ZNF644: variants seen among roughly 807,000 people sequenced by gnomAD.
The protein encoded by ZNF644 is zinc finger protein 644.
In ZNF644, 20 loss-of-function variants were observed where a neutral mutation model predicts 108.0. The ratio of observed to expected loss-of-function variants is 0.19; its 90% CI spans 0.13 to 0.27. ZNF644 has a LOEUF of 0.27. Ranked by LOEUF, ZNF644 falls within the 10% of genes least tolerant of loss-of-function variation. ZNF644 has a pLI of 1.00. For synonymous variants in ZNF644, 542 were observed against 539.1 expected (o/e 1.01, Z -0.08); for missense variants, 1,338 against 1,548.9 (o/e 0.86, Z 2.29).
intron 1 of ZNF644, among the ~76,000 whole-genome samples, chr1:90,999,143 T>G (rs1466039439): frequency 2.6e-5 from 4 of 152,104 alleles, no homozygotes; most frequent in Admixed American, 1.3e-4. Context: ...AGGAGAACTT[T>G]CCCAACCTAG....
intron 4 of ZNF644, among the ~76,000 whole-genome samples, chr1:90,922,081 A>C (rs1469804220): frequency 1.3e-5 from 2 of 152,186 alleles, no homozygotes; most frequent in African/African-American, 2.4e-5. Flanking sequence ...TAATTGCTTC[A>C]ATGAGTTTCA....
intron 1 of ZNF644, among the ~76,000 whole-genome samples, chr1:90,998,484 T>C (rs760103216): frequency 6.6e-6 from 1 of 151,814 alleles, no homozygotes; most frequent in Non-Finnish European, 1.5e-5. Flanking sequence ...CAGCTGAGGG[T>C]CCTCACTGTT....
intron 2 of ZNF644, among the ~76,000 whole-genome samples, chr1:90,961,868 A>G (rs1235602166): frequency 6.6e-6 from 1 of 151,996 alleles, no homozygotes; most frequent in Non-Finnish European, 1.5e-5. Context: ...TCTAGTGAAT[A>G]GAGGCTAGGT....
At chr1:90,924,005 TC>T (rs1434003862) in intron 4 of ZNF644, among the ~76,000 whole-genome samples, 1 of 152,150 alleles carries the variant, frequency 6.6e-6, no homozygotes, top group Non-Finnish European at 1.5e-5. Flanking sequence ...CTCCACTATT[TC>T]AAAGTAGAGG....
intron 4 of ZNF644, among the ~76,000 whole-genome samples, chr1:90,925,427 A>C (rs1232394370): frequency 6.6e-6 from 1 of 152,192 alleles, no homozygotes; most frequent in Non-Finnish European, 1.5e-5. Flanking sequence ...TATCCAGGGC[A>C]ACTTGAACCT....
At chr1:90,962,383 C>G (rs629184) in intron 2 of ZNF644, among the ~76,000 whole-genome samples, 20,175 of 151,882 alleles carry the variant, frequency 0.13, 1,402 homozygotes, top group South Asian at 0.16. Flanking sequence ...TATGCCAAAG[C>G]TGATACCACA....
chr1:90,979,181 T>C (rs2101444570), intron 2 of ZNF644, among the ~76,000 whole-genome samples: 1 of 152,212 alleles, frequency 6.6e-6, no homozygotes, highest in East Asian at 1.9e-4. Context: ...TAAGAGAGTA[T>C]ATTGTTTAGG....
At position 91,013,442 on chromosome 1, in the gene ZNF644, A is replaced by ATC. The variant is rs879567128; in HGVS notation, c.-18+8546_-18+8547dup. On this transcript the variant is annotated intron_variant, in intron 1 of 5. Transcript: ENST00000337393. ...AGGCACCCTCCAATATATATTTCCA[A>ATC]TCTCTCTCTCACACACACACACACA... Among the ~76,000 whole-genome samples, 269 of 100,366 alleles carry ATC rather than the reference A, an allele frequency of 2.7e-3. 2 individuals carry two copies. The highest frequency in any genetic ancestry group is 5.0e-3 in the Admixed American group (45 of 8,982). 65.8% of individuals were successfully genotyped at this position (100,366 alleles called of 152,430 possible).
chr1:90,916,720 T>C lies in ZNF644; in HGVS notation c.*78A>G. The C allele has an allele frequency of 6.6e-7, 1 of 1,509,596 alleles. No individual in the cohort carries two copies. The highest frequency in any genetic ancestry group is 9.2e-7 in the Non-Finnish European group (1 of 1,092,732). The allele number at this position is 1,509,596 out of a possible 1,614,324, so 93.5% of individuals were successfully genotyped here. On this transcript the variant is annotated 3_prime_UTR_variant, in exon 6 of 6. Coordinates refer to ENST00000337393, the MANE Select transcript of ZNF644 (RefSeq NM_201269.3). ...TCCTGCTTTAGTATTTATAAACAGA[T>C]AATTTAATGTGGCTTAAAAAAAAAG... is the stretch of plus-strand genomic sequence containing the variant.
chr1:91,018,428 A>G lies in ZNF644; in HGVS notation c.-18+3562T>C, dbSNP rs185597074. Among the ~76,000 whole-genome samples the G allele has an allele frequency of 2.0e-4, 31 of 152,372 alleles. 1 individual carries two copies. The highest frequency in any genetic ancestry group is 6.2e-4 in the South Asian group (3 of 4,832). On this transcript the variant is annotated intron_variant, in intron 1 of 5. Transcript: ENST00000337393. ...GACATTCTCTCTACCAGAAAGATTA[A>G]TAAGTGTAAATAAAAGCTCATTTGA...
intron 4 of ZNF644, among the ~76,000 whole-genome samples, chr1:90,926,054 A>G (rs900221128): frequency 1.3e-5 from 2 of 152,092 alleles, no homozygotes; most frequent in Non-Finnish European, 2.9e-5. Context: ...CAACCCTTTC[A>G]AAAGACTTGC....
intron 2 of ZNF644, among the ~76,000 whole-genome samples, chr1:90,964,895 G>GT (rs1654697803): frequency 6.6e-6 from 1 of 152,012 alleles, no homozygotes. Flanking sequence ...ATATAATGCT[G>GT]TAGCATTTAC....
chr1:90,936,599 TTAC>T (rs1463389144), intron 4 of ZNF644, among the ~76,000 whole-genome samples: 1 of 152,166 alleles, frequency 6.6e-6, no homozygotes. Context: ...CCATTAACTA[TTAC>T]CTCTGACACA....
chr1:91,003,153 C>T (rs1171796033), intron 1 of ZNF644, among the ~76,000 whole-genome samples: 4 of 152,102 alleles, frequency 2.6e-5, no homozygotes, highest in Non-Finnish European at 5.9e-5. Context: ...ACTAGAAATA[C>T]CATTTGACCC....
At chr1:91,010,989 TAGTC>T (rs755850224) in intron 1 of ZNF644, among the ~76,000 whole-genome samples, 65 of 152,300 alleles carry the variant, frequency 4.3e-4, no homozygotes, top group Admixed American at 9.2e-4. Context: ...TTTTTCTACA[TAGTC>T]AGTTCTGAAA....
chr1:90,952,568 T>C (rs1334219562), intron 2 of ZNF644, among the ~76,000 whole-genome samples: 1 of 151,960 alleles, frequency 6.6e-6, no homozygotes, highest in Non-Finnish European at 1.5e-5. Context: ...GTAGACCATA[T>C]GCTCTGGCCA....
chr1:90,994,790 A>G lies in ZNF644; in HGVS notation c.-17-12420T>C, dbSNP rs1024980207. Among the ~76,000 whole-genome samples, 3 of 152,112 alleles carry G rather than the reference A, an allele frequency of 2.0e-5. No individual in the cohort carries two copies. In the East Asian group the frequency reaches 5.8e-4, roughly 29 times the overall value. On this transcript the variant is annotated intron_variant, in intron 1 of 5. Coordinates refer to ENST00000337393, the MANE Select transcript of ZNF644 (RefSeq NM_201269.3). ...AAACCACAGGGCAAAATTGGACTAC[A>G]ATCTCCACAAATCTCTGGGTAACAA...
At chr1:90,943,089 T>C (rs1037459744) in intron 2 of ZNF644, among the ~76,000 whole-genome samples, 1 of 152,200 alleles carries the variant, frequency 6.6e-6, no homozygotes, top group Non-Finnish European at 1.5e-5. Context: ...ATTTCTACTA[T>C]CCTTTAAGGG....
Position 90,937,038 on chromosome 1 carries a change from G to C in ZNF644, c.3688+447C>G, listed in dbSNP as rs117019409. On this transcript the variant is annotated intron_variant, in intron 4 of 5. Coordinates refer to ENST00000337393, the MANE Select transcript of ZNF644 (RefSeq NM_201269.3). ...GAGTCTGTTTTGTTTTACCTAAGCA[G>C]TGGAAAAACCAACAGCTAAATCTTG... Among the ~76,000 whole-genome samples the C allele has an allele frequency of 2.9e-4, 44 of 152,246 alleles. No homozygotes were observed. The East Asian group carries it at 8.1e-3, about 28-fold the overall frequency.
Sources: gnomAD v4.1 joint callset for allele counts (sites outside exome capture counted in the v4.1 genomes callset) on GRCh38, gnomAD v4.1.1 for gene constraint, MANE v1.5 for transcripts, NCBI Gene and HGNC (gene_info 2026-07-23, HGNC 2026-07-21) for gene names.